The following SOS2 variants were observed in gnomAD, a reference collection of about 807,000 sequenced individuals.
SOS2 encodes son of sevenless homolog 2.
In SOS2, 65 loss-of-function variants were observed where a neutral mutation model predicts 148.2. That is an observed-to-expected ratio of 0.44 (90% confidence interval 0.36 to 0.54). The LOEUF (loss-of-function observed/expected upper bound fraction) is 0.54. Ranked by LOEUF, SOS2 falls within the 20% of genes least tolerant of loss-of-function variation. The pLI is 0.00. For missense variants in SOS2, 1,341 were observed against 1,590.2 expected, an observed-to-expected ratio of 0.84 and a Z score of 2.67; for synonymous variants, 539 against 537.1, an observed-to-expected ratio of 1.00 and a Z score of -0.05.
intron 17 of SOS2, among the ~76,000 whole-genome samples, chr14:50,139,035 T>C (rs768838116): frequency 2.0e-5 from 3 of 152,114 alleles, no homozygotes; most frequent in African/African-American, 4.8e-5. Context: ...GCTGCTAATC[T>C]AAGAAATGGC....
intron 8 of SOS2, among the ~76,000 whole-genome samples, chr14:50,166,092 A>C (rs1383675517): frequency 6.6e-6 from 1 of 152,248 alleles, no homozygotes; most frequent in East Asian, 1.9e-4. Context: ...GTTGAAAACA[A>C]ACTGGATAAC....
At position 50,118,266 on chromosome 14, in the gene SOS2, C is replaced by T. The variant is rs1028210638; in HGVS notation, c.*78G>A. ...ATTATTTGTAAAAAGTACTAAAATA[C>T]TATGTCTTTTTTTGAATAAATTAAA... On this transcript the variant is annotated 3_prime_UTR_variant, in exon 23 of 23. Coordinates refer to ENST00000216373, the MANE Select transcript of SOS2 (RefSeq NM_006939.4). 9.2e-6 allele frequency: 11 copies of T among 1,195,146 alleles called. No individual in the cohort carries two copies. Among genetic ancestry groups the T allele is most frequent in the Non-Finnish European group, 1.3e-5 (11 of 849,544 alleles). The allele number at this position is 1,195,146 out of a possible 1,614,324, so 74.0% of individuals were successfully genotyped here.
chr14:50,141,061 G>A (rs1487090802), intron 16 of SOS2, among the ~76,000 whole-genome samples: 6 of 151,462 alleles, frequency 4.0e-5, no homozygotes, highest in Non-Finnish European at 8.8e-5. Context: ...AAAATTAGCC[G>A]GGCGTGGTGG....
intron 7 of SOS2, among the ~76,000 whole-genome samples, chr14:50,180,332 A>C (rs1396590315): frequency 1.4e-5 from 2 of 145,406 alleles, no homozygotes; most frequent in Non-Finnish European, 3.0e-5. Flanking sequence ...CAGATCTAGT[A>C]TGTGCCAAAT....
At chr14:50,161,421 C>T (rs1372691073) in intron 9 of SOS2, 61 bp downstream of exon 9, 55 of 1,384,120 alleles carry the variant, frequency 4.0e-5, no homozygotes, top group Non-Finnish European at 4.2e-5. Context: ...TCTTTGAAAA[C>T]CAGGCATCAG....
intron 12 of SOS2, 68 bp downstream of exon 12, chr14:50,156,931 C>G: frequency 1.1e-6 from 1 of 926,490 alleles, no homozygotes; most frequent in Non-Finnish European, 1.6e-6. Context: ...AAAACTGACA[C>G]ATAAAATGTG....
chr14:50,200,331 T>A (rs1775930014), intron 3 of SOS2, among the ~76,000 whole-genome samples: 1 of 152,062 alleles, frequency 6.6e-6, no homozygotes. Context: ...ACACCAAACA[T>A]ATTTTGCCCT....
At chr14:50,179,614 C>A (rs1000060750) in intron 7 of SOS2, among the ~76,000 whole-genome samples, 1 of 152,148 alleles carries the variant, frequency 6.6e-6, no homozygotes, top group Middle Eastern at 3.2e-3. Context: ...ATCCTCTGAC[C>A]TTAGCCTCCC....
At chr14:50,125,441 G>C (rs988994234) in intron 21 of SOS2, among the ~76,000 whole-genome samples, 8 of 152,068 alleles carry the variant, frequency 5.3e-5, no homozygotes, top group African/African-American at 1.9e-4. Context: ...GCTTTGTTAT[G>C]GCAGTACTAA....
chr14:50,125,473 T>C (rs1239851536), intron 21 of SOS2, among the ~76,000 whole-genome samples: 4 of 152,186 alleles, frequency 2.6e-5, no homozygotes, highest in Non-Finnish European at 5.9e-5. Flanking sequence ...TGTAATGACA[T>C]TTCCACCACA....
intron 22 of SOS2, 143 bp downstream of exon 22, chr14:50,120,132 A>C: frequency 1.7e-6 from 1 of 576,948 alleles, no homozygotes; most frequent in Middle Eastern, 2.9e-4. Flanking sequence ...AAACAACTAA[A>C]AGTATTTTTC....
intron 8 of SOS2, 63 bp from the exon 9 acceptor site, chr14:50,161,672 T>TA: frequency 6.7e-6 from 10 of 1,492,200 alleles, no homozygotes; most frequent in Non-Finnish European, 9.1e-6. Context: ...AACTTTCTAG[T>TA]AATAGAAAAA....
In SOS2 at chr14:50,118,377, C is replaced by A; in HGVS notation, c.3966G>T (p.Leu1322=). ...GAGTTTCTGCATTTTCTAGCAAAGG[C>A]AGTCTGTACAATGGGGGGTGCGAAA... ...RELSHPPLYR[L]PLLENAETPQ is the part of the protein sequence containing the mutation. The change falls in exon 23 of 23, where the codon CTG becomes CTT. Residue 1322 remains leucine (L), a synonymous_variant. Transcript: ENST00000216373. 3 of 1,613,934 alleles carry A rather than the reference C, an allele frequency of 1.9e-6. No individual in the cohort carries two copies. The highest frequency in any genetic ancestry group is 2.5e-6 in the Non-Finnish European group (3 of 1,179,936).
At chr14:50,210,241 T>C (rs569632196) in intron 1 of SOS2, among the ~76,000 whole-genome samples, 1 of 152,232 alleles carries the variant, frequency 6.6e-6, no homozygotes, top group South Asian at 2.1e-4. Context: ...CAAGTCCACA[T>C]ATATATAGAC....
intron 2 of SOS2, among the ~76,000 whole-genome samples, chr14:50,202,105 A>G (rs1886510809): frequency 1.3e-5 from 2 of 152,080 alleles, no homozygotes. Flanking sequence ...TGGGACTACA[A>G]GCACATACCC....
intron 21 of SOS2, among the ~76,000 whole-genome samples, chr14:50,121,553 C>A (rs1883514399): frequency 8.5e-6 from 1 of 116,978 alleles, no homozygotes; most frequent in Non-Finnish European, 1.7e-5. Context: ...CCTGTTGACT[C>A]AGGGGGAAAT....
At chr14:50,153,288 G>A (rs893299924) in intron 12 of SOS2, 115 bp from the exon 13 acceptor site, 2 of 594,886 alleles carry the variant, frequency 3.4e-6, no homozygotes, top group Non-Finnish European at 6.2e-6. Context: ...AATACTCAAA[G>A]ACTCTCTAAT....
In SOS2 at chr14:50,155,534, C is replaced by T. The variant is rs563492063; in HGVS notation, c.2057+1465G>A. ...TTTTACCTTCTCCAAGATGCCTTCC[C>T]TAATTACTCTGGCCTAATCTTTGCT... On this transcript the variant is annotated intron_variant, in intron 12 of 22. Coordinates refer to ENST00000216373, the MANE Select transcript of SOS2 (RefSeq NM_006939.4). Among the ~76,000 whole-genome samples the T allele has an allele frequency of 3.9e-5, 6 of 152,254 alleles. No individual in the cohort carries two copies. The South Asian group carries it at 6.2e-4, about 16-fold the overall frequency.
intron 4 of SOS2, among the ~76,000 whole-genome samples, chr14:50,198,430 A>G (rs1886383301): frequency 6.6e-6 from 1 of 152,220 alleles, no homozygotes; most frequent in Non-Finnish European, 1.5e-5. Flanking sequence ...ATGTAAGTGA[A>G]AAGTCATTTC....
Sources: gnomAD v4.1 joint callset for allele counts (sites outside exome capture counted in the v4.1 genomes callset) on GRCh38, gnomAD v4.1.1 for gene constraint, MANE v1.5 for transcripts, NCBI Gene and HGNC (gene_info 2026-07-23, HGNC 2026-07-21) for gene names.